The following GPR39 variants were observed in gnomAD, a reference collection of about 807,000 sequenced individuals.
GPR39 encodes G protein-coupled receptor 39.
GPR39 carries 23 observed loss-of-function variants against 18.4 expected under a neutral mutation model. That is an observed-to-expected ratio of 1.25 (90% CI 0.90 to 1.77). The LOEUF (loss-of-function observed/expected upper bound fraction) is 1.77. Ranked by LOEUF, GPR39 falls within the 40% of genes most tolerant of loss-of-function variation. The pLI is 0.00. For synonymous variants in GPR39, 280 were observed against 257.9 expected, an observed-to-expected ratio of 1.09 and a Z score of -0.82; for missense variants, 647 against 602.4, an observed-to-expected ratio of 1.07 and a Z score of -0.78.
chr2:132,534,112 G>A (rs898312215), intron 1 of GPR39, among the ~76,000 whole-genome samples: 8 of 152,070 alleles, frequency 5.3e-5, no homozygotes, highest in African/African-American at 1.9e-4. Context: ...GGGCTAATAT[G>A]CAGAATCTAT....
intron 1 of GPR39, among the ~76,000 whole-genome samples, chr2:132,600,560 T>C (rs1475278697): frequency 6.6e-6 from 1 of 152,102 alleles, no homozygotes; most frequent in African/African-American, 2.4e-5. Flanking sequence ...CAAGGGATCA[T>C]TAAAGACTAT....
intron 1 of GPR39, among the ~76,000 whole-genome samples, chr2:132,504,600 A>G (rs897984178): frequency 6.6e-6 from 1 of 152,198 alleles, no homozygotes; most frequent in African/African-American, 2.4e-5. Flanking sequence ...TGTCCCACAG[A>G]GAGACTTTCC....
intron 1 of GPR39, among the ~76,000 whole-genome samples, chr2:132,591,777 G>A (rs1680849707): frequency 6.6e-6 from 1 of 152,116 alleles, no homozygotes; most frequent in African/African-American, 2.4e-5. Context: ...AGGACATGTT[G>A]GTAGTTTCCA....
At chr2:132,466,972 T>A (rs1266424303) in intron 1 of GPR39, among the ~76,000 whole-genome samples, 3 of 152,204 alleles carry the variant, frequency 2.0e-5, no homozygotes, top group Non-Finnish European at 4.4e-5. Flanking sequence ...TGTTTTATAT[T>A]TTTTTAACAT....
At chr2:132,449,304 A>G (rs1181326847) in intron 1 of GPR39, among the ~76,000 whole-genome samples, 1 of 152,008 alleles carries the variant, frequency 6.6e-6, no homozygotes, top group East Asian at 1.9e-4. Context: ...CTGGAGTACA[A>G]TGGCGCGATC....
At chr2:132,473,162 A>G (rs1681064444) in intron 1 of GPR39, among the ~76,000 whole-genome samples, 1 of 152,190 alleles carries the variant, frequency 6.6e-6, no homozygotes, top group South Asian at 2.1e-4. Flanking sequence ...ATGAATTTCA[A>G]TGAGTGCTGT....
chr2:132,420,938 G>C (rs919689079), intron 1 of GPR39, among the ~76,000 whole-genome samples: 1 of 152,170 alleles, frequency 6.6e-6, no homozygotes. Flanking sequence ...CACATTCCTG[G>C]AAATAGGAGT....
At position 132,645,242 on chromosome 2, in the gene GPR39, T is replaced by TCTAC; in HGVS notation, c.1001_1004dup (p.Ser336ProfsTer72). 1 of 1,614,162 alleles carries TCTAC rather than the reference T, an allele frequency of 6.2e-7. No homozygotes were observed. Among genetic ancestry groups the TCTAC allele is most frequent in the Non-Finnish European group, 8.5e-7 (1 of 1,180,030 alleles). ...CTCCTCCCCTTCTCGGAGACGTTTT[T>TCTAC]CTACCTCAGCTCGGTCATCAACCCG... On this transcript the variant is annotated frameshift_variant, in exon 2 of 2. Coordinates refer to ENST00000329321, the MANE Select transcript of GPR39 (RefSeq NM_001508.3). LOFTEE classifies it low-confidence loss of function (END_TRUNC).
chr2:132,488,109 G>A (rs1681378266), intron 1 of GPR39, among the ~76,000 whole-genome samples: 2 of 152,080 alleles, frequency 1.3e-5, no homozygotes, highest in South Asian at 4.2e-4. Flanking sequence ...ATGGTAAGTA[G>A]ACAAATTTGC....
chr2:132,484,833 A>G (rs1681300290), intron 1 of GPR39, among the ~76,000 whole-genome samples: 1 of 152,266 alleles, frequency 6.6e-6, no homozygotes. Context: ...AAAACCTCAG[A>G]TAGAAAATCG....
Position 132,568,005 on chromosome 2 carries a change from A to G in GPR39, c.857-77096A>G, listed in dbSNP as rs560263823. 5.3e-5 allele frequency among the ~76,000 whole-genome samples: 8 copies of G among 152,164 alleles called. No homozygotes were observed. In the South Asian group the frequency reaches 1.7e-3, roughly 32 times the overall value. On this transcript the variant is annotated intron_variant, in intron 1 of 1. Transcript: ENST00000329321. The stretch of plus-strand genomic sequence containing the variant: ...GTCCAAGAGACTTCTTCCTTTTGTA[A>G]ATTGCCCAGTCTCAGATTTGTCTTT...
intron 1 of GPR39, among the ~76,000 whole-genome samples, chr2:132,543,034 T>C (rs1051934903): frequency 2.0e-5 from 3 of 152,200 alleles, no homozygotes; most frequent in African/African-American, 7.2e-5. Context: ...GTTTCCATTG[T>C]GTGCATGAGA....
chr2:132,505,784 T>TA (rs1558819710), intron 1 of GPR39, among the ~76,000 whole-genome samples: 1 of 152,236 alleles, frequency 6.6e-6, no homozygotes. Context: ...GTCACATTTT[T>TA]AAAAATCCAT....
chr2:132,640,652 C>G (rs941820633), intron 1 of GPR39, among the ~76,000 whole-genome samples: 1 of 140,804 alleles, frequency 7.1e-6, no homozygotes, highest in Non-Finnish European at 1.5e-5. Flanking sequence ...ATGTGATATA[C>G]AAATCCAAAT....
intron 1 of GPR39, among the ~76,000 whole-genome samples, chr2:132,492,928 C>G (rs1444167094): frequency 4.3e-5 from 6 of 140,512 alleles, no homozygotes; most frequent in Non-Finnish European, 7.7e-5. Flanking sequence ...CATATATATA[C>G]ACCATATATA....
chr2:132,423,293 C>T (rs1242703398), intron 1 of GPR39, among the ~76,000 whole-genome samples: 4 of 150,188 alleles, frequency 2.7e-5, no homozygotes, highest in African/African-American at 1.0e-4. Context: ...CTTCTCTGCA[C>T]ATGTGTTCTC....
rs1056177136 is a variant in GPR39 at position 132,416,952 on chromosome 2, G to C, written c.-91G>C. 6.8e-7 allele frequency: 1 copy of C among 1,479,260 alleles called. No individual in the cohort carries two copies. The allele number at this position is 1,479,260 out of a possible 1,614,324, so 91.6% of individuals were successfully genotyped here. On this transcript the variant is annotated 5_prime_UTR_variant, in exon 1 of 2. Transcript: ENST00000329321. ...GAGATAAAATCGTGCGCCCACGCAGGTGAGTTTGCAGCCAAGAATTTTGGA... is the reference window on the plus strand; with the variant it reads ...GAGATAAAATCGTGCGCCCACGCAGCTGAGTTTGCAGCCAAGAATTTTGGA...
At position 132,645,263 on chromosome 2, in the gene GPR39, A is replaced by AC. The variant is rs1558870620; in HGVS notation, c.1022dup (p.Leu342AlafsTer65). 1 of 1,613,930 alleles carries AC rather than the reference A, an allele frequency of 6.2e-7. No homozygotes were observed. Among genetic ancestry groups the AC allele is most frequent in the Non-Finnish European group, 8.5e-7 (1 of 1,179,950 alleles). ...TTTTTCTACCTCAGCTCGGTCATCA[A>AC]CCCGCTCCTGTACACGGTGTCCTCG... On this transcript the variant is annotated frameshift_variant, in exon 2 of 2. Transcript: ENST00000329321. LOFTEE classifies it low-confidence loss of function (END_TRUNC).
intron 1 of GPR39, among the ~76,000 whole-genome samples, chr2:132,444,699 A>G (rs1242395368): frequency 6.6e-6 from 1 of 152,218 alleles, no homozygotes; most frequent in Non-Finnish European, 1.5e-5. Flanking sequence ...ATGGCCAGGT[A>G]ATTGTTTCAA....
Sources: gnomAD v4.1 joint callset for allele counts (sites outside exome capture counted in the v4.1 genomes callset) on GRCh38, gnomAD v4.1.1 for gene constraint, MANE v1.5 for transcripts, NCBI Gene and HGNC (gene_info 2026-07-23, HGNC 2026-07-21) for gene names.